The following C2 variants were observed in gnomAD, a reference collection of about 807,000 sequenced individuals.
C2 encodes the protein C3/C5 convertase.
In C2, 64 loss-of-function variants were observed where a neutral mutation model predicts 85.2. The observed-to-expected ratio is 0.75, with a 90% CI of 0.61 to 0.92. The LOEUF is 0.92. C2 is among the 40% of genes least tolerant of loss of function. The pLI is 0.00. For missense variants in C2, 820 were observed against 971.6 expected, an observed-to-expected ratio of 0.84 and a Z score of 2.07; for synonymous variants, 311 against 370.8, an observed-to-expected ratio of 0.84 and a Z score of 1.85.
At chr6:31,942,938 G>T in intron 9 of C2, 21 bp from the exon 10 acceptor site, 1 of 1,612,868 alleles carries the variant, frequency 6.2e-7, no homozygotes, top group South Asian at 1.1e-5. Context: ...GGAGTCTGGT[G>T]ATTTCCCTCT....
chr6:31,915,746 CAT>C (rs967083089), upstream of C2, among the ~76,000 whole-genome samples: 1 of 152,240 alleles, frequency 6.6e-6, no homozygotes, highest in Non-Finnish European at 1.5e-5. Flanking sequence ...AGTAACAACA[CAT>C]GTGACTTCTG....
chr6:31,914,930 CA>C (rs992528911), intron 1 of C2, among the ~76,000 whole-genome samples: 1 of 152,058 alleles, frequency 6.6e-6, no homozygotes, highest in African/African-American at 2.4e-5. Context: ...ACAACAACAA[CA>C]AAAACAATGA....
At chr6:31,916,869 C>CAA (rs9257073), upstream of C2, among the ~76,000 whole-genome samples, 6,388 of 78,844 alleles carry the variant, frequency 0.081, 720 homozygotes, top group South Asian at 0.17. Flanking sequence ...TCCATCTCAA[C>CAA]AAAAAAAAAA....
intron 3 of C2, among the ~76,000 whole-genome samples, chr6:31,932,759 G>T (rs2151751052): frequency 6.6e-6 from 1 of 152,354 alleles, no homozygotes; most frequent in Admixed American, 6.5e-5. Context: ...GGAGGCCAAG[G>T]CAGGCTGCTG....
At chr6:31,918,788 T>A (rs1305754669), upstream of C2, among the ~76,000 whole-genome samples, 1 of 147,852 alleles carries the variant, frequency 6.8e-6, no homozygotes, top group Non-Finnish European at 1.5e-5. Flanking sequence ...TAATCCCAGC[T>A]ACTCAGGAGG....
chr6:31,936,218 G>A, intron 7 of C2, 157 bp downstream of exon 7: 1 of 754,292 alleles, frequency 1.3e-6, no homozygotes, highest in South Asian at 1.5e-5. Flanking sequence ...GGGTTATGGT[G>A]GGGGAGTCCA....
rs375372431 is a variant in C2, at chr6:31,911,628, CT to C, written c.73+10502del. ...GGGGCCTGAGATTCTGTGTTTCTTT[CT>C]TTTTTTTTTTTTCTCTCTCTTTTTT... On this transcript the variant is annotated intron_variant, in intron 1 of 3. Transcript: ENST00000452202. 8.1e-3 allele frequency among the ~76,000 whole-genome samples: 1,149 copies of C among 141,086 alleles called. 17 individuals carry two copies. Among genetic ancestry groups the C allele is most frequent in the East Asian group, 0.034 (166 of 4,916 alleles). 92.6% of individuals were successfully genotyped at this position (141,086 alleles called of 152,430 possible).
Position 31,943,322 on chromosome 6 carries a change from A to G in C2, c.1455+3A>G, listed in dbSNP as rs1485651600. The G allele has an allele frequency of 6.2e-7, 1 of 1,612,350 alleles. No homozygotes were observed. The highest frequency in any genetic ancestry group is 1.7e-5 in the Admixed American group (1 of 60,036). On this transcript the variant is annotated splice_donor_region_variant and intron_variant, in intron 11 of 17. Coordinates refer to ENST00000299367, the MANE Select transcript of C2 (RefSeq NM_000063.6). The surrounding 1 kb of genome is among the most constrained non-coding windows in gnomAD (Gnocchi z 6.4). ...CACCCTGGCATGTCACTATTAAGGTACCAGGAAGGAGGGGCAGGGCTTGGA... is the reference window on the plus strand; with the variant it reads ...CACCCTGGCATGTCACTATTAAGGTGCCAGGAAGGAGGGGCAGGGCTTGGA...
In C2 at chr6:31,935,854, G is replaced by A. The variant is rs914490672; in HGVS notation, c.850-69G>A. On this transcript the variant is annotated intron_variant, in intron 6 of 17. Transcript: ENST00000299367. This position sits in a 1 kb window ranked among gnomAD's most constrained non-coding sequence, Gnocchi z 4.3. ...TTCTCTGCCTCCTCCAGGGCCCTTTGTTTGCTCTCTTACCATCTCCCCTTT... is the reference window on the plus strand; with the variant it reads ...TTCTCTGCCTCCTCCAGGGCCCTTTATTTGCTCTCTTACCATCTCCCCTTT... The A allele has an allele frequency of 3.2e-6, 5 of 1,574,966 alleles. No homozygotes were observed. The South Asian group carries it at 5.5e-5, about 17-fold the overall frequency.
At chr6:31,902,812 G>A (rs775995749) in intron 1 of C2, among the ~76,000 whole-genome samples, 10 of 151,982 alleles carry the variant, frequency 6.6e-5, no homozygotes, top group Non-Finnish European at 1.2e-4. Flanking sequence ...GTCGCCCTCC[G>A]CTTGTGCTAT....
At chr6:31,912,834 T>A (rs3130681) in intron 1 of C2, among the ~76,000 whole-genome samples, 1 of 148,676 alleles carries the variant, frequency 6.7e-6, no homozygotes, top group Admixed American at 6.7e-5. Flanking sequence ...AGCGGGACTC[T>A]ATCTCAAAAA....
upstream of C2, among the ~76,000 whole-genome samples, chr6:31,917,344 G>A (rs1337361786): frequency 6.6e-6 from 1 of 151,936 alleles, no homozygotes; most frequent in Non-Finnish European, 1.5e-5. Flanking sequence ...AACATGGATG[G>A]AGCTGGAGGA....
At chr6:31,928,703 T>C in intron 2 of C2, 29 bp from the exon 3 acceptor site, 1 of 1,613,116 alleles carries the variant, frequency 6.2e-7, no homozygotes, top group South Asian at 1.1e-5. Context: ...TCCAGTCCTA[T>C]ATTCCCCACC....
At chr6:31,910,739 G>A (rs1768037623) in intron 1 of C2, among the ~76,000 whole-genome samples, 1 of 152,004 alleles carries the variant, frequency 6.6e-6, no homozygotes, top group Admixed American at 6.6e-5. Context: ...CAGCACTTTG[G>A]GAGGCTGAGG....
chr6:31,909,848 C>T (rs1431245839), intron 1 of C2, among the ~76,000 whole-genome samples: 3 of 151,944 alleles, frequency 2.0e-5, no homozygotes, highest in Non-Finnish European at 1.5e-5. Flanking sequence ...TTCTCCATAT[C>T]CTTGCCAACA....
At chr6:31,926,656 A>G (rs1186721696), upstream of C2, among the ~76,000 whole-genome samples, 1 of 141,868 alleles carries the variant, frequency 7.0e-6, no homozygotes, top group Non-Finnish European at 1.5e-5. Context: ...TCTTTTTGAG[A>G]TGTAGTCTTA....
At chr6:31,903,564 AG>A (rs1219348145) in intron 1 of C2, among the ~76,000 whole-genome samples, 1 of 152,094 alleles carries the variant, frequency 6.6e-6, no homozygotes, top group Non-Finnish European at 1.5e-5. Flanking sequence ...TGGGAGGTGA[AG>A]GTTGCAGTGA....
rs2151777836 is a variant in C2, at chr6:31,945,507, G to T, written c.*150G>T. 1.3e-6 allele frequency: 1 copy of T among 773,824 alleles called. No individual in the cohort carries two copies. The highest frequency in any genetic ancestry group is 2.2e-6 in the Non-Finnish European group (1 of 458,322). The allele number at this position is 773,824 out of a possible 1,614,324, so 47.9% of individuals were successfully genotyped here. ...AGGATGCCAGAGGCAGCGCACACAAGCTGGGAAATCCTCAGGGCTCCTACC... is the reference window on the plus strand; with the variant it reads ...AGGATGCCAGAGGCAGCGCACACAATCTGGGAAATCCTCAGGGCTCCTACC... On this transcript the variant is annotated 3_prime_UTR_variant, in exon 18 of 18. Coordinates refer to ENST00000299367, the MANE Select transcript of C2 (RefSeq NM_000063.6). This position sits in a 1 kb window ranked among gnomAD's most constrained non-coding sequence, Gnocchi z 5.3.
intron 8 of C2, among the ~76,000 whole-genome samples, chr6:31,938,002 CT>C (rs1770563715): frequency 1.3e-5 from 2 of 151,908 alleles, no homozygotes; most frequent in African/African-American, 4.8e-5. Flanking sequence ...AAGATCCTAC[CT>C]TGTCTCAAAA....
Sources: gnomAD v4.1 joint callset for allele counts (sites outside exome capture counted in the v4.1 genomes callset) on GRCh38, gnomAD v4.1.1 for gene constraint, Gnocchi (gnomAD v3.1) non-coding constraint, MANE v1.5 for transcripts, NCBI Gene and HGNC (gene_info 2026-07-23, HGNC 2026-07-21) for gene names.